ATP2B3: variants seen among roughly 807,000 people sequenced by gnomAD.
ATP2B3 encodes the protein plasma membrane calcium-transporting ATPase 3.
A neutral mutation model predicts 70.8 loss-of-function variants in ATP2B3; 12 were observed. The observed-to-expected ratio is 0.17, with a 90% confidence interval of 0.11 to 0.27. The LOEUF is 0.27. Ranked by LOEUF, ATP2B3 falls within the 10% of genes least tolerant of loss-of-function variation. The pLI is 1.00. For missense variants in ATP2B3, 858 were observed against 1,118.5 expected, an observed-to-expected ratio of 0.77 and a Z score of 3.32; for synonymous variants, 460 against 497.8, an observed-to-expected ratio of 0.92 and a Z score of 1.01.
intron 2 of ATP2B3, among the ~76,000 whole-genome samples, chrX:153,523,820 C>G (rs1226471326): frequency 9.3e-6 from 1 of 107,830 alleles, no homozygotes; most frequent in Non-Finnish European, 1.9e-5. Context: ...CTCAGCCTCC[C>G]GAGTAGCTGG....
intron 2 of ATP2B3, among the ~76,000 whole-genome samples, chrX:153,531,636 C>T (rs59123902): frequency 0.014 from 1,620 of 112,582 alleles, 31 homozygotes; most frequent in African/African-American, 0.051. Context: ...TTCGGGGCCA[C>T]GGCATCCTGG....
At chrX:153,549,988 G>T in intron 11 of ATP2B3, 57 bp from the exon 12 acceptor site, 1 of 1,185,756 alleles carries the variant, frequency 8.4e-7, no homozygotes, top group South Asian at 1.9e-5. Flanking sequence ...GGCTCCAGGG[G>T]CAGCATGGAG....
intron 15 of ATP2B3, 39 bp downstream of exon 15, chrX:153,556,457 C>T: frequency 2.6e-6 from 3 of 1,157,224 alleles, no homozygotes; most frequent in Middle Eastern, 3.0e-4. Context: ...GGGTGGCCAG[C>T]CCGAGGTTGT....
At position 153,536,811 on chromosome X, in the gene ATP2B3, C is replaced by T. The variant is rs782461708; in HGVS notation, c.208+356C>T. On this transcript the variant is annotated intron_variant, in intron 3 of 21. Transcript: ENST00000263519. ...CCCCATCTGTATATTTGGGGATTTC[C>T]GGTGTGCTCAACCCTGTGTTCACTT... Among the ~76,000 whole-genome samples the T allele has an allele frequency of 3.6e-5, 4 of 112,402 alleles. No individual in the cohort carries two copies. In the East Asian group the frequency reaches 1.1e-3, roughly 32 times the overall value.
chrX:153,535,591 C>T (rs1008087518), intron 2 of ATP2B3, among the ~76,000 whole-genome samples: 1 of 111,338 alleles, frequency 9.0e-6, no homozygotes, highest in African/African-American at 3.3e-5. Context: ...ACTCTCAGGG[C>T]CACAGAAACC....
At chrX:153,543,219 G>A (rs782519233) in intron 7 of ATP2B3, 51 bp downstream of exon 7, 21 of 1,167,281 alleles carry the variant, frequency 1.8e-5, no homozygotes, top group African/African-American at 3.6e-5. Flanking sequence ...CTCCTTCCAC[G>A]CTGCCCATTC....
chrX:153,579,903 G>A (rs1347214377), intron 21 of ATP2B3, 75 bp from the exon 22 acceptor site: 6 of 966,620 alleles, frequency 6.2e-6, no homozygotes, highest in South Asian at 4.5e-5. Flanking sequence ...TTCCTTCCAC[G>A]TTTCCTTTCC....
At chrX:153,523,375 G>T (rs1366213977) in intron 2 of ATP2B3, among the ~76,000 whole-genome samples, 3 of 111,804 alleles carry the variant, frequency 2.7e-5, no homozygotes, top group Non-Finnish European at 5.6e-5. Flanking sequence ...GGCTATTTTT[G>T]GAAACCCAGG....
chrX:153,548,416 C>A (rs782013446), intron 9 of ATP2B3, among the ~76,000 whole-genome samples: 1 of 111,711 alleles, frequency 9.0e-6, no homozygotes, highest in African/African-American at 3.3e-5. Context: ...CACTCCCCAA[C>A]CCCAGCAGCA....
Position 153,548,028 on chromosome X carries a change from G to A in ATP2B3, c.1123+29G>A, listed in dbSNP as rs782000560. ...GGGACAGCAGGAGGTGGTGGGCCCA[G>A]GCCATTGACTGGGCGTGGAGGATGC... On this transcript the variant is annotated intron_variant, in intron 9 of 21. Transcript: ENST00000263519. The A allele has an allele frequency of 5.1e-6, 6 of 1,180,411 alleles. No homozygotes were observed. In the East Asian group the frequency reaches 1.8e-4, roughly 35 times the overall value.
Position 153,548,732 on chromosome X carries a change from T to A in ATP2B3, c.1216T>A (p.Cys406Ser). The change falls in exon 10 of 22, where the codon TGC becomes AGC. Residue 406 changes from cysteine to serine, a missense_variant. Coordinates refer to ENST00000263519, the MANE Select transcript of ATP2B3 (RefSeq NM_001001344.3). Reference sequence around the variant, plus strand: ...GGAAGGCCGGACATGGCTGGCAGAGTGCACGCCGGTCTATGTACAATACTT... The same window carrying A: ...GGAAGGCCGGACATGGCTGGCAGAGAGCACGCCGGTCTATGTACAATACTT... ...VVEGRTWLAE[C>S]TPVYVQYFVK... 2 of 1,210,989 alleles carry A rather than the reference T, an allele frequency of 1.7e-6. No homozygotes were observed. Among genetic ancestry groups the A allele is most frequent in the Non-Finnish European group, 2.2e-6 (2 of 895,273 alleles).
chrX:153,557,000 A>G lies in ATP2B3; in HGVS notation c.2410A>G (p.Lys804Glu). The G allele has an allele frequency of 8.4e-7, 1 of 1,187,745 alleles. No individual in the cohort carries two copies. The highest frequency in any genetic ancestry group is 1.1e-6 in the Non-Finnish European group (1 of 883,152). ...CACCAACGATGGGCCGGCCCTCAAGAAGGCGGACGTGGGCTTCGCCATGGT... is the reference window on the plus strand; with the variant it reads ...CACCAACGATGGGCCGGCCCTCAAGGAGGCGGACGTGGGCTTCGCCATGGT... Reference protein sequence around the residue: ...DGTNDGPALKKADVGFAMGIA... With the variant: ...DGTNDGPALKEADVGFAMGIA... The change falls in exon 16 of 22, where the codon AAG becomes GAG. Residue 804 changes from lysine to glutamate, a missense_variant. Lys to Glu is a moderately conservative substitution (Grantham distance 56). This residue lies in a region of ATP2B3 where 50 missense variants were observed against 106.7 expected (regional missense o/e 0.47). Transcript: ENST00000263519.
chrX:153,560,461 G>T (rs1557015741), intron 18 of ATP2B3, among the ~76,000 whole-genome samples: 1 of 111,617 alleles, frequency 9.0e-6, no homozygotes, highest in Non-Finnish European at 1.9e-5. Context: ...CTGCCCTCAG[G>T]CTCAGGGTCT....
chrX:153,541,390 G>A lies in ATP2B3; in HGVS notation c.240G>A (p.Lys80=), dbSNP rs1569534035. ...CGGACAACACCAATGACCTGGAGAA[G>A]CGCAGGCAGATCTACGGGCAGAACT... ...GLADNTNDLE[K]RRQIYGQNFI... Residue 80 remains lysine, a synonymous_variant, in exon 4 of 22, where the codon AAG becomes AAA. Coordinates refer to ENST00000263519, the MANE Select transcript of ATP2B3 (RefSeq NM_001001344.3). 2 of 1,212,045 alleles carry A rather than the reference G, an allele frequency of 1.7e-6. No individual in the cohort carries two copies. The highest frequency in any genetic ancestry group is 3.0e-5 in the East Asian group (1 of 33,826).
At chrX:153,524,352 T>C (rs1352891305) in intron 2 of ATP2B3, among the ~76,000 whole-genome samples, 1 of 111,174 alleles carries the variant, frequency 9.0e-6, no homozygotes, top group East Asian at 2.8e-4. Context: ...GGTAAATAGA[T>C]TTCCAGTTTG....
intron 21 of ATP2B3, among the ~76,000 whole-genome samples, chrX:153,573,022 G>A (rs1158175418): frequency 8.0e-5 from 9 of 112,404 alleles, no homozygotes; most frequent in Admixed American, 4.7e-4. Context: ...TTCCAGCAGC[G>A]CCACACCAGG....
chrX:153,521,239 G>A (rs1050807198), intron 2 of ATP2B3, among the ~76,000 whole-genome samples: 6 of 113,396 alleles, frequency 5.3e-5, no homozygotes, highest in Admixed American at 9.2e-5. Flanking sequence ...GCCAAGCAGC[G>A]CCTGGCTGGA....
In ATP2B3 at chrX:153,566,075, C is replaced by T. The variant is rs185206152; in HGVS notation, c.3342+972C>T. Among the ~76,000 whole-genome samples the T allele has an allele frequency of 1.3e-3, 146 of 112,601 alleles. No individual in the cohort carries two copies. Among genetic ancestry groups the T allele is most frequent in the Non-Finnish European group, 2.4e-3 (129 of 53,168 alleles). On this transcript the variant is annotated intron_variant, in intron 21 of 21. Transcript: ENST00000263519. ...GGGGACCCCACCTGCGGCCTGGCCC[C>T]TCTCCCACCGCAGCCCCTGCAGCCT...
At chrX:153,569,253 G>A (rs141130049) in intron 21 of ATP2B3, 9,996 of 466,775 alleles carry the variant, frequency 0.021, 128 homozygotes, top group Non-Finnish European at 0.032. Flanking sequence ...CAGGTGTGTT[G>A]GAGAGGAAAA....
Sources: allele counts gnomAD v4.1 joint callset (sites outside exome capture counted in the v4.1 genomes callset), GRCh38; gene constraint gnomAD v4.1.1; regional missense constraint gnomAD v4.1.1; transcripts MANE v1.5; gene names NCBI Gene and HGNC (gene_info 2026-07-23, HGNC 2026-07-21).